The following ROR1 variants were observed in gnomAD, a reference collection of about 807,000 sequenced individuals.
ROR1 encodes ROR family WNT receptor 1, also known as inactive tyrosine-protein kinase transmembrane receptor ROR1.
ROR1 carries 19 observed loss-of-function variants against 78.8 expected under a neutral mutation model. That is an observed-to-expected ratio of 0.24 (90% confidence interval 0.17 to 0.35). The LOEUF is 0.35. Among genes scored for constraint, ROR1 ranks in the 10% least tolerant of loss-of-function variants. The probability of loss-of-function intolerance (pLI) is 1.00; values close to 1 mark genes in which losing one functional copy is unlikely to be tolerated. For synonymous variants in ROR1, 386 were observed against 433.6 expected (o/e 0.89, Z 1.36); for missense variants, 917 against 1,177.8 (o/e 0.78, Z 3.24).
intron 1 of ROR1, among the ~76,000 whole-genome samples, chr1:63,885,663 T>C (rs1294869744): frequency 6.6e-6 from 1 of 152,156 alleles, no homozygotes; most frequent in East Asian, 1.9e-4. Flanking sequence ...CTCACCTCTT[T>C]AGCATCTCTT....
chr1:63,807,156 T>A (rs1644834877), intron 1 of ROR1, among the ~76,000 whole-genome samples: 1 of 152,196 alleles, frequency 6.6e-6, no homozygotes, highest in South Asian at 2.1e-4. Context: ...CAGATGGTCT[T>A]CTGAGACTCT....
At chr1:64,026,250 T>G (rs1017447241) in intron 2 of ROR1, among the ~76,000 whole-genome samples, 4 of 152,208 alleles carry the variant, frequency 2.6e-5, no homozygotes, top group African/African-American at 9.7e-5. Context: ...AATCTTATAC[T>G]CAGTAGCTGT....
intron 6 of ROR1, among the ~76,000 whole-genome samples, chr1:64,141,431 C>T (rs534219933): frequency 3.8e-4 from 58 of 152,168 alleles, no homozygotes; most frequent in Admixed American, 9.8e-4. Context: ...GACAGTACCA[C>T]GGGGGGTTTG....
Position 64,177,524 on chromosome 1 carries a change from C to T in ROR1, c.1483C>T (p.Pro495Ser), listed in dbSNP as rs1650416468. 1 of 1,614,088 alleles carries T rather than the reference C, an allele frequency of 6.2e-7. No individual in the cohort carries two copies. Among genetic ancestry groups the T allele is most frequent in the South Asian group, 1.1e-5 (1 of 91,074 alleles). The change falls in exon 9 of 9, where the codon CCA becomes TCA. Residue 495 changes from proline (P) to serine (S), a missense_variant. Pro to Ser is a moderately conservative substitution (Grantham distance 74). Coordinates refer to ENST00000371079, the MANE Select transcript of ROR1 (RefSeq NM_005012.4). ...AATCTATAAAGGCCATCTCTATCTC[C>T]CAGGCATGGACCATGCTCAGCTGGT... ...GKIYKGHLYL[P>S]GMDHAQLVAI...
chr1:64,112,237 C>T (rs943573471), intron 4 of ROR1: 1 of 152,210 alleles, frequency 6.6e-6, no homozygotes, highest in South Asian at 2.1e-4. Context: ...TTCTAAGTTC[C>T]ATTGTGGGTG....
At chr1:63,867,832 C>G (rs1645226168) in intron 1 of ROR1, among the ~76,000 whole-genome samples, 2 of 152,226 alleles carry the variant, frequency 1.3e-5, no homozygotes. Context: ...TGGGCAGGGG[C>G]CAAATATCCC....
intron 1 of ROR1, among the ~76,000 whole-genome samples, chr1:63,866,135 A>C (rs373079302): frequency 2.0e-5 from 3 of 152,250 alleles, no homozygotes; most frequent in Admixed American, 6.5e-5. Flanking sequence ...CCCCAGCACC[A>C]GTGCTGTTTG....
intron 7 of ROR1, among the ~76,000 whole-genome samples, chr1:64,146,618 A>T (rs1649481081): frequency 6.6e-6 from 1 of 152,230 alleles, no homozygotes. Flanking sequence ...AGAAGCTGGA[A>T]GACATATTGA....
chr1:63,793,917 A>G (rs780626286), intron 1 of ROR1, among the ~76,000 whole-genome samples: 8 of 152,158 alleles, frequency 5.3e-5, no homozygotes, highest in Non-Finnish European at 1.2e-4. Context: ...GACTGTGGCT[A>G]ATCTCAGGAG....
In ROR1 at chr1:63,843,251, G is replaced by A. The variant is rs913410822; in HGVS notation, c.91+68743G>A. Reference sequence around the variant, plus strand: ...TGCCCCCCAGCTTCTCTGCCAGGGTGCAGCGGTCCTTGACCTCCTTGTAGC... The same window carrying A: ...TGCCCCCCAGCTTCTCTGCCAGGGTACAGCGGTCCTTGACCTCCTTGTAGC... On this transcript the variant is annotated intron_variant, in intron 1 of 8. Coordinates refer to ENST00000371079, the MANE Select transcript of ROR1 (RefSeq NM_005012.4). The A allele has an allele frequency of 4.6e-6, 7 of 1,507,306 alleles. No individual in the cohort carries two copies. In the African/African-American group the frequency reaches 8.3e-5, roughly 18 times the overall value. The allele number at this position is 1,507,306 out of a possible 1,614,324, so 93.4% of individuals were successfully genotyped here.
At chr1:63,994,451 G>A (rs1024051306) in intron 1 of ROR1, among the ~76,000 whole-genome samples, 11 of 152,050 alleles carry the variant, frequency 7.2e-5, no homozygotes, top group African/African-American at 1.2e-4. Context: ...TGGTTAATAC[G>A]GTCAAATTTA....
intron 1 of ROR1, among the ~76,000 whole-genome samples, chr1:63,979,797 T>C (rs1467236946): frequency 1.3e-5 from 2 of 152,150 alleles, no homozygotes; most frequent in Non-Finnish European, 2.9e-5. Context: ...GGAGTAGATA[T>C]GCTCAAAACC....
chr1:63,948,335 ATT>A (rs751698222), intron 1 of ROR1, among the ~76,000 whole-genome samples: 11 of 142,738 alleles, frequency 7.7e-5, no homozygotes, highest in African/African-American at 1.3e-4. Flanking sequence ...TTGTGGTCCA[ATT>A]TTTTTTTTTT....
chr1:64,091,447 C>T (rs2100644377), intron 4 of ROR1, among the ~76,000 whole-genome samples: 1 of 152,274 alleles, frequency 6.6e-6, no homozygotes, highest in Non-Finnish European at 1.5e-5. Context: ...TTTGTAATCA[C>T]ATGTAATAAG....
rs145321386 is a variant in ROR1 at position 64,149,221 on chromosome 1, G to C, written c.1174+6571G>C. ...ATCCACACGGTAAACACAAGATAAA[G>C]GTGTCATCTCCATTTTCCTAAAGGA... On this transcript the variant is annotated intron_variant, in intron 7 of 8. Coordinates refer to ENST00000371079, the MANE Select transcript of ROR1 (RefSeq NM_005012.4). Among the ~76,000 whole-genome samples, 956 of 152,150 alleles carry C rather than the reference G, an allele frequency of 6.3e-3. 6 individuals carry two copies. Among genetic ancestry groups the C allele is most frequent in the African/African-American group, 0.022 (918 of 41,528 alleles).
At chr1:63,816,469 G>C (rs1385413803) in intron 1 of ROR1, among the ~76,000 whole-genome samples, 1 of 152,136 alleles carries the variant, frequency 6.6e-6, no homozygotes, top group African/African-American at 2.4e-5. Context: ...ATCCATGTAA[G>C]ATGTGACTTG....
intron 7 of ROR1, among the ~76,000 whole-genome samples, chr1:64,154,156 T>G: frequency 6.6e-6 from 1 of 152,210 alleles, no homozygotes; most frequent in Non-Finnish European, 1.5e-5. Context: ...CATTTGAGAA[T>G]ACATAAGGCA....
intron 2 of ROR1, among the ~76,000 whole-genome samples, chr1:64,017,074 G>C (rs1646527144): frequency 1.3e-5 from 2 of 151,938 alleles, no homozygotes; most frequent in African/African-American, 2.4e-5. Context: ...ACCATGTCCA[G>C]CTAATTTTTG....
rs1646321796 is a variant in ROR1 at position 63,994,491 on chromosome 1, T to C, written c.92-14814T>C. Among the ~76,000 whole-genome samples, 3 of 152,302 alleles carry C rather than the reference T, an allele frequency of 2.0e-5. No homozygotes were observed. The South Asian group carries it at 6.2e-4, about 32-fold the overall frequency. ...CTTTTTAAAGGCTTATAGATTTTTG[T>C]GTCAAACTTTGAAAAGGTCTTCACA... On this transcript the variant is annotated intron_variant, in intron 1 of 8. Transcript: ENST00000371079.
Sources: gnomAD v4.1 joint callset for allele counts (sites outside exome capture counted in the v4.1 genomes callset) on GRCh38, gnomAD v4.1.1 for gene constraint, MANE v1.5 for transcripts, NCBI Gene and HGNC (gene_info 2026-07-23, HGNC 2026-07-21) for gene names.